The following ACTR8 variants were observed in gnomAD, a reference collection of about 807,000 sequenced individuals.
The protein encoded by ACTR8 is actin-related protein 8.
A neutral mutation model predicts 84.3 loss-of-function variants in ACTR8; 70 were observed. The ratio of observed to expected loss-of-function variants is 0.83; its 90% CI spans 0.68 to 1.01. ACTR8 has a LOEUF of 1.01. Among genes scored for constraint, ACTR8 ranks in the 50% least tolerant of loss-of-function variants. The pLI, the probability that ACTR8 is intolerant of heterozygous loss-of-function variation, is 0.00. For missense variants in ACTR8, 672 were observed against 775.4 expected (o/e 0.87, Z 1.58); for synonymous variants, 268 against 275.2 (o/e 0.97, Z 0.26).
rs1699806885 is a variant in ACTR8, at chr3:53,867,326, T to C, written c.*1393A>G. ...AAACATAAATGACATCAATACTCTA[T>C]AAATTAATGCTGTTAACAAATTTAA... On this transcript the variant is annotated 3_prime_UTR_variant, in exon 13 of 13. Coordinates refer to ENST00000335754, the MANE Select transcript of ACTR8 (RefSeq NM_022899.5). The C allele has an allele frequency of 1.3e-5, 2 of 152,232 alleles. No homozygotes were observed. Among genetic ancestry groups the C allele is most frequent in the African/African-American group, 4.8e-5 (2 of 41,460 alleles). 9.4% of individuals were successfully genotyped at this position (152,232 alleles called of 1,614,324 possible).
chr3:53,864,779 C>T (rs150506112), downstream of ACTR8: 166 of 1,612,660 alleles, frequency 1.0e-4, 1 homozygote, highest in Non-Finnish European at 5.9e-5. Flanking sequence ...TCTACCACCA[C>T]ACTACTGCCC....
At chr3:53,861,857 C>T in the ACTR8 span, among the ~76,000 whole-genome samples, 1 of 152,158 alleles carries the variant, frequency 6.6e-6, no homozygotes, top group Admixed American at 6.5e-5. Flanking sequence ...AAAAATGCTA[C>T]AAAGGACATT....
At chr3:53,875,846 A>G in intron 7 of ACTR8, 102 bp downstream of exon 7, 1 of 1,513,954 alleles carries the variant, frequency 6.6e-7, no homozygotes, top group Non-Finnish European at 9.0e-7. Context: ...TTTTGAATTT[A>G]TGGTTATCTT....
chr3:53,872,999 T>G (rs1222535304), intron 9 of ACTR8, 33 bp downstream of exon 9: 1 of 1,516,446 alleles, frequency 6.6e-7, no homozygotes, highest in Non-Finnish European at 9.1e-7. Context: ...ATAACTTTCT[T>G]TCTACCCATG....
rs899734209 is a variant in ACTR8, at chr3:53,877,741, T to G, written c.416A>C (p.Tyr139Ser). 8.1e-6 allele frequency: 13 copies of G among 1,613,996 alleles called. No individual in the cohort carries two copies. Among genetic ancestry groups the G allele is most frequent in the Non-Finnish European group, 1.1e-5 (13 of 1,179,874 alleles). The change falls in exon 4 of 13, where the codon TAC becomes TCC. Residue 139 changes from tyrosine to serine, a missense_variant. Transcript: ENST00000335754. ...AATTGCAGGTCGCATCTGCTTATTG[T>G]AGGAGCGTGCCTGAAAAGAAAAACC... is the stretch of plus-strand genomic sequence containing the variant. ...IPVSPEQARS[Y>S]NKQMRPAILD...
At chr3:53,869,030 C>G (rs780669804) in intron 12 of ACTR8, among the ~76,000 whole-genome samples, 168 bp from the exon 13 acceptor site, 2 of 152,266 alleles carry the variant, frequency 1.3e-5, no homozygotes, top group Non-Finnish European at 2.9e-5. Flanking sequence ...GCCTGTAACC[C>G]CAGCACTTTG....
At position 53,871,281 on chromosome 3, in the gene ACTR8, T is replaced by C. The variant is rs1046677; in HGVS notation, c.1518A>G (p.Gly506=). The C allele has an allele frequency of 0.49, 797,476 of 1,614,010 alleles. 207,923 individuals carry two copies. Among genetic ancestry groups the C allele is most frequent in the East Asian group, 0.95 (42,550 of 44,876 alleles). Residue 506 remains glycine (G), a synonymous_variant, in exon 11 of 13, where the codon GGA becomes GGG. Transcript: ENST00000335754. ...TGGCTTTATCCAGGCCCAGGGCTTTTCCTTCAAACAGCGAGATGGCAGTCT... is the reference window on the plus strand; with the variant it reads ...TGGCTTTATCCAGGCCCAGGGCTTTCCCTTCAAACAGCGAGATGGCAGTCT... ...SRKTAISLFE[G]KALGLDKAIL...
chr3:53,860,733 T>C, the ACTR8 span: 1 of 151,932 alleles, frequency 6.6e-6, no homozygotes, highest in African/African-American at 2.4e-5. Flanking sequence ...AAAACTTAGA[T>C]GAAACTCGGA....
chr3:53,859,962 A>G, the ACTR8 span: 1 of 521,098 alleles, frequency 1.9e-6, no homozygotes, highest in Non-Finnish European at 3.4e-6. Flanking sequence ...GTGAACCGAG[A>G]TTGCGCCACT....
At chr3:53,866,202 C>T (rs1490291990), downstream of ACTR8, among the ~76,000 whole-genome samples, 1 of 152,160 alleles carries the variant, frequency 6.6e-6, no homozygotes, top group African/African-American at 2.4e-5. Context: ...CGTCACAAAG[C>T]GAGACCTCCA....
chr3:53,877,805 C>T, intron 3 of ACTR8, 54 bp from the exon 4 acceptor site: 1 of 1,462,986 alleles, frequency 6.8e-7, no homozygotes, highest in South Asian at 1.2e-5. Context: ...GCGGGGGCAA[C>T]ATAAGGGTCT....
downstream of ACTR8, among the ~76,000 whole-genome samples, chr3:53,862,322 A>C (rs1455451486): frequency 6.6e-6 from 1 of 152,204 alleles, no homozygotes; most frequent in Non-Finnish European, 1.5e-5. Flanking sequence ...AAGGATTGTC[A>C]ACACTATGGA....
intron 8 of ACTR8, 53 bp from the exon 9 acceptor site, chr3:53,873,180 CT>C: frequency 7.1e-7 from 1 of 1,410,596 alleles, no homozygotes; most frequent in Non-Finnish European, 9.9e-7. Context: ...CATGTAAACT[CT>C]TCAAATTATG....
chr3:53,877,649 C>T lies in ACTR8; in HGVS notation c.508G>A (p.Glu170Lys). The T allele has an allele frequency of 6.2e-7, 1 of 1,612,362 alleles. No homozygotes were observed. ...TCTATTGTAAAGAAGTTTCTTACCT[C>T]TTCTCCTACTAAATACTCAGGGTGA... ...SHHPEYLVGEEALYVNPLDCY... is the reference protein window; with the variant it reads ...SHHPEYLVGEKALYVNPLDCY... The change falls in exon 4 of 13, where the codon GAG (glutamate) becomes AAG (lysine). Residue 170 changes from glutamate (E) to lysine (K), a missense_variant and splice_region_variant. By Grantham distance (56) the Glu-to-Lys change is moderately conservative. Coordinates refer to ENST00000335754, the MANE Select transcript of ACTR8 (RefSeq NM_022899.5).
At chr3:53,865,262 C>T (rs751960151), downstream of ACTR8, 14 of 1,611,160 alleles carry the variant, frequency 8.7e-6, no homozygotes, top group Non-Finnish European at 1.1e-5. Flanking sequence ...CAGGTGTCAG[C>T]AGGAAAAAGA....
downstream of ACTR8, chr3:53,864,608 T>C (rs960263224): frequency 5.9e-6 from 4 of 683,322 alleles, no homozygotes; most frequent in African/African-American, 3.6e-5. Context: ...TCAGGATGTT[T>C]TTCCTTGCTG....
At chr3:53,877,163 A>G (rs760935859) in intron 5 of ACTR8, 51 bp downstream of exon 5, 16 of 1,510,990 alleles carry the variant, frequency 1.1e-5, no homozygotes, top group African/African-American at 4.2e-5. Flanking sequence ...GTGTACTTTC[A>G]TTGACCAAGA....
intron 1 of ACTR8, among the ~76,000 whole-genome samples, 184 bp from the exon 2 acceptor site, chr3:53,880,293 G>A (rs969807296): frequency 1.3e-5 from 2 of 152,278 alleles, no homozygotes; most frequent in Non-Finnish European, 2.9e-5. Context: ...TGTTTATTAT[G>A]TTCCCTTGAC....
Position 53,879,906 on chromosome 3 carries a change from T to C in ACTR8, c.294+33A>G, listed in dbSNP as rs766272867. The C allele has an allele frequency of 4.4e-6, 7 of 1,584,610 alleles. No individual in the cohort carries two copies. The South Asian group carries it at 7.9e-5, about 18-fold the overall frequency. ...TCTAAGCCCTCCCAGGGAAACAACC[T>C]TAGGCTTTCTCTCCAGGTCGTTTTT... On this transcript the variant is annotated intron_variant, in intron 2 of 12. Coordinates refer to ENST00000335754, the MANE Select transcript of ACTR8 (RefSeq NM_022899.5).
Sources: allele counts gnomAD v4.1 joint callset (sites outside exome capture counted in the v4.1 genomes callset), GRCh38; gene constraint gnomAD v4.1.1; transcripts MANE v1.5; gene names NCBI Gene and HGNC (gene_info 2026-07-23, HGNC 2026-07-21).